PLCG2: variants seen among roughly 807,000 people sequenced by gnomAD.
The protein encoded by PLCG2 is phospholipase C gamma 2, also known as 1-phosphatidylinositol 4,5-bisphosphate phosphodiesterase gamma-2.
A neutral mutation model predicts 175.6 loss-of-function variants in PLCG2; 69 were observed. The observed-to-expected ratio is 0.39, with a 90% CI of 0.32 to 0.48. PLCG2 has a LOEUF of 0.48. Among genes scored for constraint, PLCG2 ranks in the 20% least tolerant of loss-of-function variants. The pLI is 0.91. For missense variants in PLCG2, 1,798 were observed against 1,650.9 expected (o/e 1.09, Z -1.54); for synonymous variants, 827 against 624.0 (o/e 1.33, Z -4.85).
chr16:81,957,223 T>TG (rs1911610032), intron 32 of PLCG2, among the ~76,000 whole-genome samples: 4 of 152,004 alleles, frequency 2.6e-5, no homozygotes, highest in Non-Finnish European at 5.9e-5. Context: ...CATTTCAACC[T>TG]GGGAGGCAGA....
At chr16:81,763,339 G>C (rs1052463377) in intron 2 of PLCG2, among the ~76,000 whole-genome samples, 3 of 152,340 alleles carry the variant, frequency 2.0e-5, no homozygotes, top group Middle Eastern at 3.4e-3. Context: ...CAATAACTCA[G>C]ATTTTCTCAT....
intron 7 of PLCG2, among the ~76,000 whole-genome samples, chr16:81,879,901 C>G (rs946171856): frequency 2.0e-5 from 3 of 152,186 alleles, no homozygotes; most frequent in Non-Finnish European, 2.9e-5. Flanking sequence ...GGAGCTGAAG[C>G]AGTCCGATAT....
At chr16:81,832,577 T>A (rs908912346) in intron 2 of PLCG2, among the ~76,000 whole-genome samples, 8 of 152,188 alleles carry the variant, frequency 5.3e-5, no homozygotes, top group African/African-American at 1.9e-4. Flanking sequence ...TGTGTGTATG[T>A]ATTTTTTGTG....
intron 19 of PLCG2, among the ~76,000 whole-genome samples, chr16:81,918,847 G>A (rs1431908107): frequency 6.6e-6 from 1 of 151,936 alleles, no homozygotes; most frequent in African/African-American, 2.4e-5. Context: ...TTCTGTTTTG[G>A]ATTTTTTCTG....
chr16:81,882,643 C>T (rs1442546896), intron 8 of PLCG2, among the ~76,000 whole-genome samples: 1 of 152,070 alleles, frequency 6.6e-6, no homozygotes, highest in East Asian at 1.9e-4. Context: ...TCCTACTCCT[C>T]TTTCTTTCCT....
chr16:81,926,072 G>A (rs1910259434), intron 22 of PLCG2, among the ~76,000 whole-genome samples: 1 of 141,540 alleles, frequency 7.1e-6, no homozygotes. Flanking sequence ...AAATGCCCAA[G>A]CTGAGTCTTA....
chr16:81,931,421 C>CTCAGGCAGGG (rs1910497601), intron 24 of PLCG2, 76 bp from the exon 25 acceptor site: 1 of 1,452,388 alleles, frequency 6.9e-7, no homozygotes, highest in Non-Finnish European at 9.5e-7. Flanking sequence ...AGAGAAACAG[C>CTCAGGCAGGG]TCAGGCAGGG....
intron 19 of PLCG2, among the ~76,000 whole-genome samples, chr16:81,915,587 A>G (rs550028025): frequency 2.7e-4 from 41 of 152,328 alleles, no homozygotes; most frequent in African/African-American, 9.6e-4. Context: ...TTTCCAAACC[A>G]TTCACTTACT....
chr16:81,941,649 G>T (rs965650834), intron 30 of PLCG2, among the ~76,000 whole-genome samples: 2 of 151,000 alleles, frequency 1.3e-5, no homozygotes, highest in African/African-American at 4.9e-5. Context: ...ATTTGTAAGA[G>T]GCCTGATATT....
At chr16:81,793,043 T>G (rs1372366911) in intron 2 of PLCG2, among the ~76,000 whole-genome samples, 3 of 152,186 alleles carry the variant, frequency 2.0e-5, no homozygotes, top group African/African-American at 4.8e-5. Flanking sequence ...AATCGAAACT[T>G]AATACAATAA....
At chr16:81,791,379 C>T (rs1273415941) in intron 2 of PLCG2, among the ~76,000 whole-genome samples, 2 of 151,972 alleles carry the variant, frequency 1.3e-5, no homozygotes, top group African/African-American at 2.4e-5. Flanking sequence ...TAATGGGTGT[C>T]ATGTAATATA....
intron 23 of PLCG2, among the ~76,000 whole-genome samples, chr16:81,928,350 G>C (rs1910362875): frequency 1.3e-5 from 2 of 152,014 alleles, no homozygotes; most frequent in South Asian, 4.2e-4. Context: ...ATGAAACTCC[G>C]AACCTCCTGG....
intron 2 of PLCG2, among the ~76,000 whole-genome samples, chr16:81,839,937 G>C (rs750761969): frequency 2.4e-4 from 36 of 152,196 alleles, no homozygotes; most frequent in Non-Finnish European, 4.7e-4. Flanking sequence ...TGTAGTCCCA[G>C]TCACCTGGCT....
intron 1 of PLCG2, chr16:81,783,034 G>A: frequency 4.6e-6 from 2 of 437,706 alleles, no homozygotes; most frequent in Non-Finnish European, 9.0e-6. Flanking sequence ...GAAGCTGGAA[G>A]TAACTGGGAC....
chr16:81,892,378 G>A (rs1908678435), intron 11 of PLCG2, among the ~76,000 whole-genome samples: 1 of 152,182 alleles, frequency 6.6e-6, no homozygotes, highest in Non-Finnish European at 1.5e-5. Context: ...TGATGTTCCA[G>A]TATTTAGTCT....
chr16:81,900,804 T>C (rs780297802), intron 14 of PLCG2, 24 bp downstream of exon 14: 1 of 1,586,226 alleles, frequency 6.3e-7, no homozygotes, highest in South Asian at 1.1e-5. Context: ...GTGCTGCTGT[T>C]GGCTGTCCAG....
At chr16:81,807,504 C>A (rs79955584) in intron 2 of PLCG2, among the ~76,000 whole-genome samples, 2 of 152,194 alleles carry the variant, frequency 1.3e-5, no homozygotes, top group Non-Finnish European at 2.9e-5. Flanking sequence ...CTGTCACTAA[C>A]GCCACCATAA....
At chr16:81,929,441 G>C (rs906387391) in intron 24 of PLCG2, among the ~76,000 whole-genome samples, 2 of 152,158 alleles carry the variant, frequency 1.3e-5, no homozygotes, top group Non-Finnish European at 2.9e-5. Context: ...TGTCACCCAG[G>C]CTGGAGTGCA....
intron 2 of PLCG2, among the ~76,000 whole-genome samples, chr16:81,792,413 G>A (rs34233969): frequency 0.12 from 17,162 of 140,394 alleles, 1,141 homozygotes; most frequent in Middle Eastern, 0.19. Context: ...TGTGCAAGGC[G>A]GAGGCTGCAG....
Sources: gnomAD v4.1 joint callset for allele counts (sites outside exome capture counted in the v4.1 genomes callset) on GRCh38, gnomAD v4.1.1 for gene constraint, MANE v1.5 for transcripts, NCBI Gene and HGNC (gene_info 2026-07-23, HGNC 2026-07-21) for gene names.